EXOC4: variants seen among roughly 807,000 people sequenced by gnomAD.
EXOC4 encodes SEC8-like 1.
EXOC4 carries 71 observed loss-of-function variants against 107.2 expected under a neutral mutation model. The observed-to-expected ratio is 0.66, with a 90% CI of 0.55 to 0.81. EXOC4 has a LOEUF of 0.81. EXOC4 is among the 30% of genes least tolerant of loss of function. The pLI is 0.00. For synonymous variants in EXOC4, 456 were observed against 441.2 expected (o/e 1.03, Z -0.42); for missense variants, 1,108 against 1,189.6 (o/e 0.93, Z 1.01).
chr7:133,564,287 A>AAG (rs1000840333), intron 9 of EXOC4, among the ~76,000 whole-genome samples: 8 of 152,126 alleles, frequency 5.3e-5, no homozygotes, highest in Non-Finnish European at 1.5e-5. Context: ...GGGTAGAAGC[A>AAG]AGAGAGAGAA....
At chr7:133,950,537 G>C (rs972463146) in intron 14 of EXOC4, among the ~76,000 whole-genome samples, 4 of 152,156 alleles carry the variant, frequency 2.6e-5, no homozygotes, top group Admixed American at 6.5e-5. Context: ...CTGCTCCTCT[G>C]TCCAAGAGAG....
At chr7:133,435,784 G>A (rs190966485) in intron 7 of EXOC4, among the ~76,000 whole-genome samples, 130 of 152,058 alleles carry the variant, frequency 8.5e-4, no homozygotes, top group Admixed American at 7.7e-3. Context: ...AAAATGCTCC[G>A]TTATCTAGTG....
chr7:133,506,389 C>G (rs1799665992), intron 9 of EXOC4, among the ~76,000 whole-genome samples: 1 of 152,072 alleles, frequency 6.6e-6, no homozygotes, highest in South Asian at 2.1e-4. Context: ...TTCCCTAGAA[C>G]AGTTAGAGGT....
chr7:133,991,122 G>A (rs566511809), intron 14 of EXOC4, among the ~76,000 whole-genome samples: 6 of 152,306 alleles, frequency 3.9e-5, no homozygotes, highest in African/African-American at 1.4e-4. Context: ...ACTGGTGTGA[G>A]ATGATGCCCC....
At chr7:133,497,861 A>G (rs1033169358) in intron 9 of EXOC4, among the ~76,000 whole-genome samples, 3 of 152,278 alleles carry the variant, frequency 2.0e-5, no homozygotes, top group African/African-American at 7.2e-5. Flanking sequence ...CCAGTTCTCT[A>G]TGGCTTTTAT....
chr7:133,842,562 A>G (rs967740542), intron 11 of EXOC4, among the ~76,000 whole-genome samples: 3 of 152,168 alleles, frequency 2.0e-5, no homozygotes, highest in East Asian at 1.9e-4. Flanking sequence ...TGTTGAATGC[A>G]TAGTTTGAAA....
At chr7:133,814,856 A>C (rs890199346) in intron 10 of EXOC4, among the ~76,000 whole-genome samples, 2 of 152,112 alleles carry the variant, frequency 1.3e-5, no homozygotes, top group Non-Finnish European at 2.9e-5. Context: ...TTTTTTACTA[A>C]GTCATTTGGT....
Position 133,400,453 on chromosome 7 carries a change from T to C in EXOC4, c.1182+25451T>C, listed in dbSNP as rs550560687. 1.1e-4 allele frequency among the ~76,000 whole-genome samples: 17 copies of C among 152,350 alleles called. 1 individual carries two copies. The East Asian group carries it at 3.1e-3, about 28-fold the overall frequency. On this transcript the variant is annotated intron_variant, in intron 7 of 17. Coordinates refer to ENST00000253861, the MANE Select transcript of EXOC4 (RefSeq NM_021807.4). Reference sequence around the variant, plus strand: ...CCATGTAATAAGTTACTTCCTAGTATCTATAGTGACCAGTTATTTGGGAGT... The same window carrying C: ...CCATGTAATAAGTTACTTCCTAGTACCTATAGTGACCAGTTATTTGGGAGT...
At chr7:133,977,621 G>T (rs1288988871) in intron 14 of EXOC4, among the ~76,000 whole-genome samples, 1 of 152,180 alleles carries the variant, frequency 6.6e-6, no homozygotes, top group Non-Finnish European at 1.5e-5. Context: ...CCTTTTCAAA[G>T]ATAGTGGTTT....
At chr7:133,782,995 G>C (rs1221389378) in intron 10 of EXOC4, among the ~76,000 whole-genome samples, 2 of 152,160 alleles carry the variant, frequency 1.3e-5, no homozygotes, top group African/African-American at 4.8e-5. Flanking sequence ...CCATATATTT[G>C]CGTAGTGATT....
At chr7:133,954,312 G>A (rs1271494084) in intron 14 of EXOC4, among the ~76,000 whole-genome samples, 1 of 152,178 alleles carries the variant, frequency 6.6e-6, no homozygotes, top group Non-Finnish European at 1.5e-5. Flanking sequence ...TTGGAATACG[G>A]ATTTACATCT....
At chr7:133,452,772 T>C (rs1339973559) in intron 7 of EXOC4, among the ~76,000 whole-genome samples, 2 of 151,992 alleles carry the variant, frequency 1.3e-5, no homozygotes, top group South Asian at 2.1e-4. Flanking sequence ...ATGTTACATA[T>C]GTAAACTACT....
chr7:133,693,876 G>GTA (rs1794474249), intron 10 of EXOC4, among the ~76,000 whole-genome samples: 1 of 152,142 alleles, frequency 6.6e-6, no homozygotes, highest in Non-Finnish European at 1.5e-5. Context: ...GCTTCAGTGG[G>GTA]TATGGCCAGG....
chr7:133,668,450 G>A (rs1023848240), intron 10 of EXOC4, among the ~76,000 whole-genome samples: 2 of 152,108 alleles, frequency 1.3e-5, no homozygotes, highest in African/African-American at 4.8e-5. Context: ...TCACTTGTTA[G>A]TCAATTGTTT....
chr7:134,022,243 A>G (rs1795046801), intron 17 of EXOC4, among the ~76,000 whole-genome samples: 1 of 152,152 alleles, frequency 6.6e-6, no homozygotes, highest in Non-Finnish European at 1.5e-5. Flanking sequence ...TTCAGTTTTC[A>G]GAAGTTTTGC....
At chr7:133,884,581 C>CTGTG (rs34350149) in intron 11 of EXOC4, among the ~76,000 whole-genome samples, 6,205 of 143,630 alleles carry the variant, frequency 0.043, 218 homozygotes, top group South Asian at 0.1. Context: ...GCCCTATGCT[C>CTGTG]TGTGTGTGTG....
At chr7:133,801,791 T>A (rs1046524350) in intron 10 of EXOC4, among the ~76,000 whole-genome samples, 4 of 152,206 alleles carry the variant, frequency 2.6e-5, no homozygotes, top group African/African-American at 9.7e-5. Context: ...TGTATGGCAT[T>A]GATCATGTCC....
chr7:134,064,748 C>A lies in EXOC4; in HGVS notation c.*220C>A. On this transcript the variant is annotated 3_prime_UTR_variant, in exon 18 of 18. Transcript: ENST00000253861. ...GGTTGAACAACTACTTTAATGCAGT[C>A]AAATCTAACGGGACTAGGGTGGGAT... 3.0e-6 allele frequency: 1 copy of A among 328,302 alleles called. No homozygotes were observed. The highest frequency in any genetic ancestry group is 5.5e-6 in the Non-Finnish European group (1 of 181,276). 20.3% of individuals were successfully genotyped at this position (328,302 alleles called of 1,614,324 possible). A position where few individuals can be genotyped will look rare whatever the true frequency, so the allele number is the denominator to read the frequency against.
chr7:133,433,341 GA>G (rs1214770328), intron 7 of EXOC4, among the ~76,000 whole-genome samples: 2 of 152,162 alleles, frequency 1.3e-5, no homozygotes, highest in African/African-American at 4.8e-5. Context: ...ATAACCAATG[GA>G]ATGTTAGCAA....
Sources: allele counts gnomAD v4.1 joint callset (sites outside exome capture counted in the v4.1 genomes callset), GRCh38; gene constraint gnomAD v4.1.1; transcripts MANE v1.5; gene names NCBI Gene and HGNC (gene_info 2026-07-23, HGNC 2026-07-21).